Variants in CFAP92 observed in about 807,000 individuals in gnomAD.
CFAP92 encodes the protein uncharacterized protein CFAP92.
CFAP92 carries 86 observed loss-of-function variants against 106.3 expected under a neutral mutation model. The observed-to-expected ratio is 0.81, with a 90% CI of 0.68 to 0.97. CFAP92 has a LOEUF of 0.97. Ranked by LOEUF, CFAP92 falls within the 50% of genes least tolerant of loss-of-function variation. The pLI, the probability that CFAP92 is intolerant of heterozygous loss-of-function variation, is 0.00. For synonymous variants in CFAP92, 477 were observed against 506.4 expected (o/e 0.94, Z 0.78); for missense variants, 1,204 against 1,283.8 (o/e 0.94, Z 0.95).
chr3:128,990,482 G>C (rs949665542), intron 2 of CFAP92, among the ~76,000 whole-genome samples: 1 of 152,156 alleles, frequency 6.6e-6, no homozygotes, highest in Non-Finnish European at 1.5e-5. Flanking sequence ...GGGTGACAGA[G>C]AGAGACTCTG....
intron 4 of CFAP92, among the ~76,000 whole-genome samples, chr3:128,983,835 A>T (rs1943676844): frequency 6.6e-6 from 1 of 152,174 alleles, no homozygotes; most frequent in Non-Finnish European, 1.5e-5. Flanking sequence ...TTGGAAACAG[A>T]TTGTAAAATG....
chr3:128,932,452 G>A (rs769091680), intron 12 of CFAP92, among the ~76,000 whole-genome samples: 2 of 151,584 alleles, frequency 1.3e-5, no homozygotes, highest in African/African-American at 4.9e-5. Flanking sequence ...AGGTAATATA[G>A]CTAATAGCAT....
At chr3:128,956,502 C>T (rs560542684) in intron 9 of CFAP92, among the ~76,000 whole-genome samples, 1 of 151,812 alleles carries the variant, frequency 6.6e-6, no homozygotes, top group Middle Eastern at 3.4e-3. Context: ...CAAAGAAATC[C>T]ACACCAAGAC....
At chr3:128,931,463 ATACACATACATGTATATATATG>A (rs1938358892) in intron 12 of CFAP92, among the ~76,000 whole-genome samples, 1 of 120,174 alleles carries the variant, frequency 8.3e-6, no homozygotes, top group Non-Finnish European at 1.6e-5. Flanking sequence ...GTATATATAT[ATACACATACATGTATATATATG>A]TATGTATGTA....
intron 5 of CFAP92, 44 bp downstream of exon 5, chr3:128,978,001 A>G: frequency 2.5e-6 from 4 of 1,610,796 alleles, no homozygotes; most frequent in Non-Finnish European, 3.4e-6. Context: ...TTTCCCTGCC[A>G]TCGCCTTGCA....
the CFAP92 span, among the ~76,000 whole-genome samples, chr3:129,009,919 G>A: frequency 6.6e-6 from 1 of 152,320 alleles, no homozygotes; most frequent in Non-Finnish European, 1.5e-5. Context: ...GGGCTCACTG[G>A]GGAGGGTGGA....
rs1217754875 is a variant in CFAP92 at position 128,910,142 on chromosome 3, A to T, written c.*157T>A. ...ATCCGCATTGGGCTCCGCAACCACGACCACGAGGTGAGCCCAGCCCAGCCT... is the reference window on the plus strand; with the variant it reads ...ATCCGCATTGGGCTCCGCAACCACGTCCACGAGGTGAGCCCAGCCCAGCCT... On this transcript the variant is annotated 3_prime_UTR_variant, in exon 16 of 16. Coordinates refer to ENST00000645291, the MANE Select transcript of CFAP92 (RefSeq NM_001394090.1). 1.2e-6 allele frequency: 2 copies of T among 1,613,992 alleles called. No individual in the cohort carries two copies. The highest frequency in any genetic ancestry group is 3.3e-5 in the Admixed American group (2 of 60,012).
At chr3:128,927,145 AAG>A (rs1329698758) in intron 12 of CFAP92, among the ~76,000 whole-genome samples, 2 of 152,090 alleles carry the variant, frequency 1.3e-5, no homozygotes, top group African/African-American at 4.8e-5. Flanking sequence ...ACACACAACA[AAG>A]AGATCATATG....
chr3:128,980,066 C>T (rs1166042302), intron 4 of CFAP92, among the ~76,000 whole-genome samples: 1 of 151,110 alleles, frequency 6.6e-6, no homozygotes, highest in Non-Finnish European at 1.5e-5. Context: ...GAAAAAAATA[C>T]TTCATTGCTA....
At chr3:128,929,581 T>C (rs6767396) in intron 12 of CFAP92, among the ~76,000 whole-genome samples, 88,168 of 152,092 alleles carry the variant, frequency 0.58, 28,399 homozygotes, top group African/African-American at 0.87. Flanking sequence ...GAATAATATT[T>C]AGCAATAAAA....
At chr3:128,911,776 C>T (rs1414774242) in intron 15 of CFAP92, among the ~76,000 whole-genome samples, 2 of 152,212 alleles carry the variant, frequency 1.3e-5, no homozygotes, top group African/African-American at 2.4e-5. Context: ...GGGGAAGGCT[C>T]ACGAAGGGAG....
upstream of CFAP92, among the ~76,000 whole-genome samples, chr3:129,003,057 A>C (rs1226616232): frequency 6.6e-6 from 1 of 152,168 alleles, no homozygotes; most frequent in Non-Finnish European, 1.5e-5. Flanking sequence ...GGAGGAAAGG[A>C]ACAGCCCCTA....
At chr3:128,988,987 C>A in intron 2 of CFAP92, 69 bp from the exon 3 acceptor site, 1 of 1,226,264 alleles carries the variant, frequency 8.2e-7, no homozygotes, top group Non-Finnish European at 1.2e-6. Context: ...CTCCCCAGTT[C>A]CCTGGAGCTT....
At chr3:128,960,585 AAGG>A (rs1941821226) in intron 9 of CFAP92, among the ~76,000 whole-genome samples, 1 of 152,208 alleles carries the variant, frequency 6.6e-6, no homozygotes, top group Non-Finnish European at 1.5e-5. Context: ...ACGGACTGGG[AAGG>A]CAGCCTTCCC....
intron 1 of CFAP92, chr3:129,001,569 G>C (rs1432232721): frequency 2.2e-6 from 3 of 1,347,600 alleles, no homozygotes; most frequent in Non-Finnish European, 2.8e-6. Context: ...GCCGCCCCTG[G>C]AAGTGGCGGG....
At chr3:128,976,738 C>A (rs771319358) in intron 6 of CFAP92, among the ~76,000 whole-genome samples, 2 of 152,188 alleles carry the variant, frequency 1.3e-5, no homozygotes, top group Non-Finnish European at 2.9e-5. Context: ...CGGAGATAGT[C>A]ATACCACCTC....
At chr3:129,012,383 C>T in the CFAP92 span, among the ~76,000 whole-genome samples, 1 of 152,122 alleles carries the variant, frequency 6.6e-6, no homozygotes, top group Non-Finnish European at 1.5e-5. Flanking sequence ...GATGAGCTTT[C>T]GACCCCTGTG....
At chr3:128,946,860 A>G (rs1940268689) in intron 9 of CFAP92, among the ~76,000 whole-genome samples, 1 of 152,250 alleles carries the variant, frequency 6.6e-6, no homozygotes, top group Non-Finnish European at 1.5e-5. Flanking sequence ...TATTAGAATG[A>G]TCAGAGATAT....
intron 15 of CFAP92, chr3:128,910,910 GCT>G (rs1936224981): frequency 2.1e-6 from 3 of 1,420,250 alleles, no homozygotes; most frequent in Non-Finnish European, 3.0e-6. Flanking sequence ...CCCAGAGCCT[GCT>G]AGCTACTCAC....
Sources: allele counts gnomAD v4.1 joint callset (sites outside exome capture counted in the v4.1 genomes callset), GRCh38; gene constraint gnomAD v4.1.1; transcripts MANE v1.5; gene names NCBI Gene and HGNC (gene_info 2026-07-23, HGNC 2026-07-21).